The following COL24A1 variants were observed in gnomAD, a reference collection of about 807,000 sequenced individuals.
COL24A1 encodes the protein collagen type XXIV alpha 1 chain, also known as collagen alpha-1(XXIV) chain.
COL24A1 carries 224 observed loss-of-function variants against 253.9 expected under a neutral mutation model. The observed-to-expected ratio is 0.88, with a 90% CI of 0.79 to 0.99. The LOEUF (loss-of-function observed/expected upper bound fraction) is 0.99. Among genes scored for constraint, COL24A1 ranks in the 50% least tolerant of loss-of-function variants. The pLI, the probability that COL24A1 is intolerant of heterozygous loss-of-function variation, is 0.00. For missense variants in COL24A1, 2,131 were observed against 2,068.5 expected, an observed-to-expected ratio of 1.03 and a Z score of -0.59; for synonymous variants, 685 against 673.7, an observed-to-expected ratio of 1.02 and a Z score of -0.26.
intron 19 of COL24A1, among the ~76,000 whole-genome samples, chr1:86,006,672 A>C (rs1695989387): frequency 6.6e-6 from 1 of 152,214 alleles, no homozygotes; most frequent in Non-Finnish European, 1.5e-5. Context: ...TCTGCCCTGC[A>C]GAAAACAATG....
chr1:85,851,986 C>G (rs1195868572), intron 37 of COL24A1, among the ~76,000 whole-genome samples: 1 of 152,100 alleles, frequency 6.6e-6, no homozygotes, highest in African/African-American at 2.4e-5. Flanking sequence ...TACTGCTTCC[C>G]CTTTCCTTAT....
At chr1:85,905,653 T>C (rs751059363) in intron 28 of COL24A1, among the ~76,000 whole-genome samples, 1 of 151,954 alleles carries the variant, frequency 6.6e-6, no homozygotes, top group Admixed American at 6.6e-5. Flanking sequence ...ATTTGAAGGA[T>C]GTGAGGAAAA....
chr1:85,938,919 G>A (rs1007676519), intron 24 of COL24A1, among the ~76,000 whole-genome samples: 1 of 152,018 alleles, frequency 6.6e-6, no homozygotes, highest in Non-Finnish European at 1.5e-5. Flanking sequence ...AACTTAGTAG[G>A]GTCTGTGTCA....
chr1:86,135,887 A>G (rs1012581490), intron 2 of COL24A1, among the ~76,000 whole-genome samples: 1 of 151,756 alleles, frequency 6.6e-6, no homozygotes, highest in South Asian at 2.1e-4. Context: ...TGCTGTGCCA[A>G]CTCCTTTTGC....
Position 86,125,285 on chromosome 1 carries a change from C to A in COL24A1, c.1051G>T (p.Val351Leu), listed in dbSNP as rs1175835087. 1.9e-6 allele frequency: 3 copies of A among 1,613,492 alleles called. No homozygotes were observed. Among genetic ancestry groups the A allele is most frequent in the Non-Finnish European group, 2.5e-6 (3 of 1,179,666 alleles). The change falls in exon 3 of 60, where the codon GTG becomes TTG. Residue 351 changes from valine to leucine, a missense_variant. Coordinates refer to ENST00000370571, the MANE Select transcript of COL24A1 (RefSeq NM_152890.7). ...EDTQTNFSLS[V>L]TTHRISEAKM... ...GCCTCACTGATGCGATGAGTGGTCA[C>A]TGACAGGCTGAAATTTGTCTGAGTA...
Position 86,031,921 on chromosome 1 carries a change from C to T in COL24A1, c.2006G>A (p.Gly669Glu). 6.2e-7 allele frequency: 1 copy of T among 1,608,094 alleles called. No homozygotes were observed. The highest frequency in any genetic ancestry group is 2.2e-5 in the East Asian group (1 of 44,588). Residue 669 changes from glycine to glutamate, a missense_variant and splice_region_variant, in exon 14 of 60, where the codon GGA (glycine) becomes GAA (glutamate). Gly to Glu is a moderately conservative substitution (Grantham distance 98, BLOSUM62 -2). Coordinates refer to ENST00000370571, the MANE Select transcript of COL24A1 (RefSeq NM_152890.7). The stretch of plus-strand genomic sequence containing the variant: ...CGGAGGACCAGTGCCACCTACAAGT[C>T]CCTATTGTAAAAGAAATTTGCAATA... Reference protein sequence around the residue: ...RGPAGLDGSPGLVGGTGPPGF... With the variant: ...RGPAGLDGSPELVGGTGPPGF...
chr1:86,110,371 T>C (rs1020457653), intron 5 of COL24A1, among the ~76,000 whole-genome samples: 3 of 152,076 alleles, frequency 2.0e-5, no homozygotes, highest in Non-Finnish European at 4.4e-5. Context: ...TTTATCACAC[T>C]GTTATCTATC....
At chr1:86,110,573 AG>A (rs1433907867) in intron 5 of COL24A1, among the ~76,000 whole-genome samples, 5 of 151,872 alleles carry the variant, frequency 3.3e-5, no homozygotes, top group African/African-American at 4.8e-5. Flanking sequence ...AGGCGCAGGC[AG>A]GAACTGGGGC....
intron 20 of COL24A1, among the ~76,000 whole-genome samples, chr1:85,973,165 C>T (rs693436): frequency 0.52 from 79,395 of 151,976 alleles, 21,135 homozygotes; most frequent in Admixed American, 0.58. Flanking sequence ...TTGCATTCTA[C>T]CACCTGTCAG....
intron 43 of COL24A1, among the ~76,000 whole-genome samples, chr1:85,831,306 T>G (rs1033240377): frequency 6.6e-6 from 1 of 151,910 alleles, no homozygotes; most frequent in African/African-American, 2.4e-5. Flanking sequence ...GAAGTAAGAG[T>G]GAGAATATGA....
At chr1:85,999,387 G>A (rs1295889709) in intron 19 of COL24A1, among the ~76,000 whole-genome samples, 1 of 152,134 alleles carries the variant, frequency 6.6e-6, no homozygotes, top group Non-Finnish European at 1.5e-5. Context: ...CACTTTGGGA[G>A]GCTGAGGTGG....
chr1:85,828,807 CT>C (rs1674756563), intron 43 of COL24A1, among the ~76,000 whole-genome samples: 1 of 142,394 alleles, frequency 7.0e-6, no homozygotes, highest in South Asian at 2.4e-4. Context: ...TATTTTGAGC[CT>C]ATGTGTGTCT....
chr1:86,055,293 A>G (rs1389553984), intron 10 of COL24A1, among the ~76,000 whole-genome samples: 1 of 152,184 alleles, frequency 6.6e-6, no homozygotes, highest in East Asian at 1.9e-4. Context: ...TAAATTTCAA[A>G]TAATTTTTAA....
intron 26 of COL24A1, among the ~76,000 whole-genome samples, chr1:85,909,148 C>T (rs1344948426): frequency 3.3e-5 from 5 of 151,578 alleles, no homozygotes; most frequent in Non-Finnish European, 5.9e-5. Flanking sequence ...TCAAAAAATG[C>T]GTTAGGAGGT....
At chr1:85,773,772 T>C (rs1668236121) in intron 53 of COL24A1, among the ~76,000 whole-genome samples, 1 of 152,196 alleles carries the variant, frequency 6.6e-6, no homozygotes, top group African/African-American at 2.4e-5. Context: ...GATTTGGGGC[T>C]GAGATGATGG....
intron 20 of COL24A1, among the ~76,000 whole-genome samples, chr1:85,985,479 G>T (rs1359421): frequency 6.6e-6 from 1 of 151,530 alleles, no homozygotes; most frequent in East Asian, 1.9e-4. Context: ...AGTTGTGGAG[G>T]TCACTGAAGG....
chr1:85,890,536 T>G (rs549906141), intron 31 of COL24A1, among the ~76,000 whole-genome samples: 43 of 152,266 alleles, frequency 2.8e-4, no homozygotes, highest in South Asian at 2.7e-3. Flanking sequence ...GCCATTTGTA[T>G]ATCTTCTTTG....
chr1:86,068,449 C>T (rs1010094557), intron 7 of COL24A1, among the ~76,000 whole-genome samples: 45 of 152,142 alleles, frequency 3.0e-4, no homozygotes, highest in African/African-American at 8.4e-4. Context: ...AGAAGGGAAT[C>T]GCACATCCTC....
chr1:86,078,869 T>C (rs933982027), intron 7 of COL24A1, among the ~76,000 whole-genome samples: 1 of 152,116 alleles, frequency 6.6e-6, no homozygotes, highest in African/African-American at 2.4e-5. Flanking sequence ...TTTTAAGATG[T>C]CCGTACTGCC....
Sources: gnomAD v4.1 joint callset for allele counts (sites outside exome capture counted in the v4.1 genomes callset) on GRCh38, gnomAD v4.1.1 for gene constraint, MANE v1.5 for transcripts, NCBI Gene and HGNC (gene_info 2026-07-23, HGNC 2026-07-21) for gene names.